The following ZRANB3 variants were observed in gnomAD, a reference collection of about 807,000 sequenced individuals.
The protein encoded by ZRANB3 is DNA annealing helicase and endonuclease ZRANB3.
In ZRANB3, 125 loss-of-function variants were observed where a neutral mutation model predicts 133.8. The ratio of observed to expected loss-of-function variants is 0.93; its 90% CI spans 0.81 to 1.08. ZRANB3 has a LOEUF of 1.08. Ranked by LOEUF, ZRANB3 falls within the 50% of genes least tolerant of loss-of-function variation. The probability of loss-of-function intolerance (pLI) is 0.00; values close to 1 mark genes in which losing one functional copy is unlikely to be tolerated. For synonymous variants in ZRANB3, 387 were observed against 432.7 expected (o/e 0.89, Z 1.31); for missense variants, 1,229 against 1,275.5 (o/e 0.96, Z 0.56).
chr2:135,418,412 A>G (rs991426535), intron 2 of ZRANB3, among the ~76,000 whole-genome samples: 3 of 152,216 alleles, frequency 2.0e-5, no homozygotes, highest in African/African-American at 7.2e-5. Context: ...CTGGCCCAAG[A>G]ATAAGAATCA....
intron 15 of ZRANB3, among the ~76,000 whole-genome samples, chr2:135,220,854 A>ATTTTTTTTTTTTTTTTTTTTTTTTTT (rs199874707): frequency 6.9e-6 from 1 of 144,892 alleles, no homozygotes; most frequent in African/African-American, 2.7e-5. Context: ...TGAACTAGGA[A>ATTTTTTTTTTTTTTTTTTTTTTTTTT]TTTATTTTTT....
chr2:135,396,727 G>T (rs1353609241), intron 2 of ZRANB3, among the ~76,000 whole-genome samples: 4 of 152,000 alleles, frequency 2.6e-5, no homozygotes, highest in African/African-American at 7.3e-5. Context: ...AAAATAGAAT[G>T]AATAATATCT....
intron 4 of ZRANB3, among the ~76,000 whole-genome samples, chr2:135,351,902 A>G (rs1685225310): frequency 6.6e-6 from 1 of 152,234 alleles, no homozygotes; most frequent in Non-Finnish European, 1.5e-5. Context: ...TATCCCAAAT[A>G]CTATTCAAAT....
At chr2:135,210,821 G>T (rs1358473214) in intron 17 of ZRANB3, among the ~76,000 whole-genome samples, 1 of 152,078 alleles carries the variant, frequency 6.6e-6, no homozygotes, top group African/African-American at 2.4e-5. Flanking sequence ...AAGAGTAAGG[G>T]GGAATATCTT....
At chr2:135,526,166 T>C (rs1166686596) in intron 1 of ZRANB3, among the ~76,000 whole-genome samples, 1 of 147,424 alleles carries the variant, frequency 6.8e-6, no homozygotes, top group African/African-American at 2.5e-5. Flanking sequence ...GATTTTTTTT[T>C]TTTTTTTTTT....
At chr2:135,229,192 C>T (rs943165180) in intron 13 of ZRANB3, among the ~76,000 whole-genome samples, 1 of 152,184 alleles carries the variant, frequency 6.6e-6, no homozygotes, top group Middle Eastern at 3.4e-3. Context: ...TATAACCACT[C>T]AGAGGGCAGA....
chr2:135,416,964 T>C (rs1418713206), intron 2 of ZRANB3, among the ~76,000 whole-genome samples: 2 of 152,078 alleles, frequency 1.3e-5, no homozygotes, highest in African/African-American at 2.4e-5. Flanking sequence ...TAATTCAAGA[T>C]GGATTAAAGA....
At chr2:135,316,302 C>G (rs553760822) in intron 6 of ZRANB3, among the ~76,000 whole-genome samples, 1 of 152,132 alleles carries the variant, frequency 6.6e-6, no homozygotes, top group Non-Finnish European at 1.5e-5. Context: ...GTACTGTGAA[C>G]AAATGTTAAC....
At chr2:135,411,310 G>C (rs542259909) in intron 2 of ZRANB3, among the ~76,000 whole-genome samples, 2 of 152,120 alleles carry the variant, frequency 1.3e-5, no homozygotes. Flanking sequence ...CACTGCTGAG[G>C]GGGGAGGTGA....
At chr2:135,357,537 C>A (rs568595940) in intron 3 of ZRANB3, among the ~76,000 whole-genome samples, 20 of 152,308 alleles carry the variant, frequency 1.3e-4, no homozygotes, top group Non-Finnish European at 2.5e-4. Flanking sequence ...CTCAGGTGAT[C>A]CACCCGCCTC....
intron 19 of ZRANB3, among the ~76,000 whole-genome samples, chr2:135,203,315 A>AGAT (rs1693701943): frequency 6.7e-6 from 1 of 149,184 alleles, no homozygotes; most frequent in African/African-American, 2.6e-5. Context: ...GAATAAGAAT[A>AGAT]GATTAGAAAT....
intron 3 of ZRANB3, among the ~76,000 whole-genome samples, chr2:135,380,675 G>A (rs992602855): frequency 2.6e-5 from 4 of 152,176 alleles, no homozygotes; most frequent in South Asian, 2.1e-4. Flanking sequence ...TGTGTAGAGG[G>A]AAATTTATAG....
At chr2:135,423,111 C>A (rs1288947396) in intron 2 of ZRANB3, among the ~76,000 whole-genome samples, 1 of 152,162 alleles carries the variant, frequency 6.6e-6, no homozygotes, top group East Asian at 1.9e-4. Context: ...GCTTACACAG[C>A]ATTATTCCTT....
chr2:135,207,429 C>A lies in ZRANB3; in HGVS notation c.3009+5G>T. The A allele has an allele frequency of 6.3e-7, 1 of 1,597,964 alleles. No individual in the cohort carries two copies. On this transcript the variant is annotated splice_donor_5th_base_variant and intron_variant, in intron 19 of 20. Coordinates refer to ENST00000264159, the MANE Select transcript of ZRANB3 (RefSeq NM_032143.4). ...CCTTCTATCTATCACATGATTATAA[C>A]TTACCTGTTCTAATGGGAGCTTTGA...
At chr2:135,253,479 C>T (rs181139429) in intron 12 of ZRANB3, among the ~76,000 whole-genome samples, 92 of 152,186 alleles carry the variant, frequency 6.0e-4, no homozygotes, top group Middle Eastern at 3.4e-3. Flanking sequence ...AGACACACTC[C>T]GAGAAATGTA....
At chr2:135,354,271 T>C (rs866857488) in intron 3 of ZRANB3, among the ~76,000 whole-genome samples, 43 of 152,340 alleles carry the variant, frequency 2.8e-4, no homozygotes, top group Middle Eastern at 3.4e-3. Flanking sequence ...CAAAACCATG[T>C]TATTTCAAAA....
At chr2:135,265,369 T>C (rs981288310) in intron 12 of ZRANB3, among the ~76,000 whole-genome samples, 165 bp downstream of exon 12, 3 of 152,210 alleles carry the variant, frequency 2.0e-5, no homozygotes, top group African/African-American at 4.8e-5. Flanking sequence ...ACTAAAACTG[T>C]TGGAAAACAA....
chr2:135,297,238 C>T (rs528062803), intron 8 of ZRANB3, among the ~76,000 whole-genome samples: 1 of 152,338 alleles, frequency 6.6e-6, no homozygotes, highest in Non-Finnish European at 1.5e-5. Flanking sequence ...GTTCGAGCTT[C>T]CCGGCCACTT....
chr2:135,240,839 C>A (rs1340819633), intron 12 of ZRANB3, among the ~76,000 whole-genome samples: 1 of 152,202 alleles, frequency 6.6e-6, no homozygotes, highest in Non-Finnish European at 1.5e-5. Context: ...CTTGGCCCCC[C>A]AAAGTGGTGG....
Sources: allele counts gnomAD v4.1 joint callset (sites outside exome capture counted in the v4.1 genomes callset), GRCh38; gene constraint gnomAD v4.1.1; transcripts MANE v1.5; gene names NCBI Gene and HGNC (gene_info 2026-07-23, HGNC 2026-07-21).